The following CFAP54 variants were observed in gnomAD, a reference collection of about 807,000 sequenced individuals.
The protein encoded by CFAP54 is cilia- and flagella-associated protein 54.
In CFAP54, 290 loss-of-function variants were observed where a neutral mutation model predicts 370.4. The observed-to-expected ratio is 0.78, with a 90% CI of 0.71 to 0.86. The LOEUF is 0.86. CFAP54 is among the 40% of genes least tolerant of loss of function. The pLI, the probability that CFAP54 is intolerant of heterozygous loss-of-function variation, is 0.00. For missense variants in CFAP54, 3,399 were observed against 3,528.7 expected (o/e 0.96, Z 0.93); for synonymous variants, 1,206 against 1,236.5 (o/e 0.98, Z 0.52).
rs1030483003 is a variant in CFAP54, at chr12:96,742,017, T to G, written c.7072-422T>G. 2.6e-5 allele frequency among the ~76,000 whole-genome samples: 4 copies of G among 152,244 alleles called. 1 individual carries two copies. The highest frequency in any genetic ancestry group is 6.5e-5 in the Admixed American group (1 of 15,296). On this transcript the variant is annotated intron_variant, in intron 51 of 67. Transcript: ENST00000524981. ...TAGGAGGATTAAATGAGATAATATA[T>G]ACAAAGCGTGTAGCACAGTACCTGA...
chr12:96,647,162 GC>G (rs1334911173), intron 33 of CFAP54: 1 of 151,834 alleles, frequency 6.6e-6, no homozygotes, highest in Non-Finnish European at 1.5e-5. Flanking sequence ...ACTGTTCAAT[GC>G]CTAGACCTTA....
Position 96,533,866 on chromosome 12 carries a change from G to C in CFAP54, c.1432G>C (p.Asp478His), listed in dbSNP as rs1306845869. The change falls in exon 10 of 68, where the codon GAT becomes CAT. Residue 478 changes from aspartate to histidine, a missense_variant. Around this residue, in one of 3 missense-constraint regions of CFAP54, gnomAD observed 559 missense variants for 576.7 expected, o/e 0.97. Transcript: ENST00000524981. ...SLLELMIGRK[D>H]VISVDAAVKF... The stretch of plus-strand genomic sequence containing the variant: ...TCTGGAACTTATGATAGGAAGAAAA[G>C]ATGTTATTTCTGTGGATGCTGCTGT... The C allele has an allele frequency of 1.3e-6, 2 of 1,535,254 alleles. No homozygotes were observed. Among genetic ancestry groups the C allele is most frequent in the Non-Finnish European group, 1.7e-6 (2 of 1,146,414 alleles).
At position 96,786,870 on chromosome 12, in the gene CFAP54, A is replaced by T; in HGVS notation, c.8651A>T (p.Glu2884Val). 1 of 1,534,724 alleles carries T rather than the reference A, an allele frequency of 6.5e-7. No homozygotes were observed. The highest frequency in any genetic ancestry group is 8.7e-7 in the Non-Finnish European group (1 of 1,146,060). ...CAACTGGAAAATCCCCCTCTTTCAG[A>T]AAAAGACTTACGTGAATCATCTGCC... Reference protein sequence around the residue: ...LCQLENPPLSEKDLRESSAKL... With the variant: ...LCQLENPPLSVKDLRESSAKL... The change falls in exon 62 of 68, where the codon GAA (glutamate) becomes GTA (valine). Residue 2884 changes from glutamate to valine, a missense_variant. Glu to Val is a moderately radical substitution (Grantham distance 121). This residue lies in a region of CFAP54 where 2,796 missense variants were observed against 2,869.7 expected (regional missense o/e 0.97). Coordinates refer to ENST00000524981, the MANE Select transcript of CFAP54 (RefSeq NM_001306084.2).
At chr12:96,552,681 T>A (rs1334581494) in intron 15 of CFAP54, among the ~76,000 whole-genome samples, 1 of 151,922 alleles carries the variant, frequency 6.6e-6, no homozygotes, top group Non-Finnish European at 1.5e-5. Flanking sequence ...GGCAGAAGAG[T>A]GGATAAATTG....
intron 48 of CFAP54, among the ~76,000 whole-genome samples, chr12:96,717,421 G>C (rs1957696301): frequency 6.6e-6 from 1 of 152,212 alleles, no homozygotes; most frequent in Admixed American, 6.5e-5. Flanking sequence ...AGGAGAGGAA[G>C]TTCGGTGTAT....
At chr12:96,602,669 GTTACCTCATT>G (rs1956256177) in intron 26 of CFAP54, among the ~76,000 whole-genome samples, 1 of 152,182 alleles carries the variant, frequency 6.6e-6, no homozygotes, top group Admixed American at 6.5e-5. Context: ...ATTTAGGATA[GTTACCTCATT>G]TTGTTGAATT....
intron 60 of CFAP54, among the ~76,000 whole-genome samples, chr12:96,778,477 G>A (rs916796713): frequency 6.6e-6 from 1 of 152,108 alleles, no homozygotes; most frequent in African/African-American, 2.4e-5. Context: ...ATTCAAAAGT[G>A]CACAGCTCAC....
At chr12:96,707,844 T>C (rs575225874) in intron 47 of CFAP54, among the ~76,000 whole-genome samples, 2 of 152,036 alleles carry the variant, frequency 1.3e-5, no homozygotes, top group Admixed American at 6.6e-5. Context: ...AGCAAGGTCA[T>C]TGGCTGGGAG....
At chr12:96,679,801 C>A in intron 40 of CFAP54, 49 bp downstream of exon 40, 1 of 1,574,664 alleles carries the variant, frequency 6.4e-7, no homozygotes, top group Non-Finnish European at 8.7e-7. Flanking sequence ...GTGGGGTGAC[C>A]ACCCTGCAGA....
chr12:96,536,755 T>C (rs1387015283), intron 12 of CFAP54, among the ~76,000 whole-genome samples: 4 of 151,760 alleles, frequency 2.6e-5, no homozygotes, highest in Admixed American at 2.6e-4. Context: ...GCCTTCCGAG[T>C]AGCTGGGATT....
intron 5 of CFAP54, 87 bp from the exon 6 acceptor site, chr12:96,518,841 C>A: frequency 8.1e-7 from 1 of 1,232,926 alleles, no homozygotes; most frequent in South Asian, 2.7e-5. Context: ...AACTTGTGCT[C>A]ACAACTTAGA....
intron 60 of CFAP54, 26 bp from the exon 61 acceptor site, chr12:96,784,691 T>C: frequency 6.8e-7 from 1 of 1,461,868 alleles, no homozygotes; most frequent in Non-Finnish European, 9.0e-7. Context: ...AATATTGTAT[T>C]ACAAAAAAAA....
rs140745678 is a variant in CFAP54, at chr12:96,582,314, A to AAG, written c.3075+1212_3075+1213dup. On this transcript the variant is annotated intron_variant, in intron 22 of 67. Transcript: ENST00000524981. ...TGTCATCAGTGAAGAGGATGCTAGG[A>AAG]AGAGTGACTCATTGACATAGGTCTC... 9.4e-3 allele frequency among the ~76,000 whole-genome samples: 1,438 copies of AAG among 152,264 alleles called. 54 individuals are homozygous for AAG. In the East Asian group the frequency reaches 0.098, roughly 10 times the overall value.
rs1332084044 is a variant in CFAP54 at position 96,684,785 on chromosome 12, T to A, written c.5804+50T>A. The A allele has an allele frequency of 3.5e-6, 5 of 1,439,650 alleles. No homozygotes were observed. The African/African-American group carries it at 4.3e-5, about 12-fold the overall frequency. The allele number at this position is 1,439,650 out of a possible 1,614,324, so 89.2% of individuals were successfully genotyped here. A position where few individuals can be genotyped will look rare whatever the true frequency, so the allele number is the denominator to read the frequency against. On this transcript the variant is annotated intron_variant, in intron 41 of 67. Transcript: ENST00000524981. ...CAAGGGCAAAGGTTTTTTATTTGCT[T>A]GTTTGAAGAAGTTTTTAATGAAAAA...
intron 48 of CFAP54, among the ~76,000 whole-genome samples, chr12:96,712,446 A>G (rs1001218054): frequency 2.6e-5 from 4 of 152,100 alleles, no homozygotes; most frequent in African/African-American, 9.7e-5. Flanking sequence ...GTTTTTTTAT[A>G]TACACATAAA....
chr12:96,494,740 T>C (rs1954929384), intron 1 of CFAP54, among the ~76,000 whole-genome samples: 1 of 152,088 alleles, frequency 6.6e-6, no homozygotes, highest in Non-Finnish European at 1.5e-5. Context: ...ATTATTATTA[T>C]TTTTTGAGAC....
At chr12:96,586,214 C>T (rs562141362) in intron 22 of CFAP54, among the ~76,000 whole-genome samples, 13 of 152,170 alleles carry the variant, frequency 8.5e-5, no homozygotes, top group African/African-American at 2.9e-4. Context: ...ATTCACTAGG[C>T]CTGAGTTTGG....
intron 46 of CFAP54, among the ~76,000 whole-genome samples, chr12:96,700,471 T>C (rs1957480485): frequency 6.6e-6 from 1 of 152,236 alleles, no homozygotes; most frequent in Admixed American, 6.5e-5. Context: ...TCCTTATGTC[T>C]TATTTGCATC....
chr12:96,508,673 T>C (rs1389580314), intron 4 of CFAP54, among the ~76,000 whole-genome samples: 2 of 151,874 alleles, frequency 1.3e-5, no homozygotes, highest in African/African-American at 2.4e-5. Flanking sequence ...TTCTCTTTTT[T>C]AATACACATG....
Sources: gnomAD v4.1 joint callset for allele counts (sites outside exome capture counted in the v4.1 genomes callset) on GRCh38, gnomAD v4.1.1 for gene constraint, gnomAD v4.1.1 regional missense constraint, MANE v1.5 for transcripts, NCBI Gene and HGNC (gene_info 2026-07-23, HGNC 2026-07-21) for gene names.